Variants in RELN observed in about 807,000 individuals in gnomAD.
RELN encodes reelin.
Under a neutral mutation model 427.6 loss-of-function variants are expected in RELN, and 108 were observed. That is an observed-to-expected ratio of 0.25 (90% confidence interval 0.22 to 0.30). The LOEUF is 0.30. Among genes scored for constraint, RELN ranks in the 10% least tolerant of loss-of-function variants. The pLI, the probability that RELN is intolerant of heterozygous loss-of-function variation, is 1.00. For missense variants in RELN, 3,715 were observed against 4,302.8 expected (o/e 0.86, Z 3.82); for synonymous variants, 1,524 against 1,513.4 (o/e 1.01, Z -0.16).
chr7:103,618,359 C>G (rs537466378), intron 20 of RELN, among the ~76,000 whole-genome samples: 3 of 151,824 alleles, frequency 2.0e-5, no homozygotes, highest in East Asian at 3.9e-4. Context: ...CCACCTGTTA[C>G]TCGTCTCTAG....
At chr7:103,918,084 T>G (rs188954304) in intron 1 of RELN, among the ~76,000 whole-genome samples, 73 of 152,252 alleles carry the variant, frequency 4.8e-4, no homozygotes, top group African/African-American at 1.7e-3. Context: ...TCACATTAAC[T>G]TTAATGAGAA....
At chr7:103,647,657 C>T (rs1191657854) in intron 16 of RELN, among the ~76,000 whole-genome samples, 3 of 151,706 alleles carry the variant, frequency 2.0e-5, no homozygotes, top group Admixed American at 1.3e-4. Context: ...CAATGCAAAT[C>T]CTATCAGAAT....
At chr7:103,877,115 C>G (rs1794498276) in intron 2 of RELN, among the ~76,000 whole-genome samples, 1 of 152,126 alleles carries the variant, frequency 6.6e-6, no homozygotes. Flanking sequence ...CCTGTTCTGT[C>G]TCTCCCATAA....
At chr7:103,601,435 C>A (rs888666864) in intron 24 of RELN, among the ~76,000 whole-genome samples, 5 of 152,186 alleles carry the variant, frequency 3.3e-5, no homozygotes, top group Non-Finnish European at 7.3e-5. Flanking sequence ...ACAAAACCTG[C>A]AGCTATTTTT....
At chr7:103,885,709 C>T (rs1310022267) in intron 2 of RELN, among the ~76,000 whole-genome samples, 1 of 152,144 alleles carries the variant, frequency 6.6e-6, no homozygotes, top group Non-Finnish European at 1.5e-5. Context: ...GCACGTTCTG[C>T]ACATGTATCC....
At chr7:103,830,638 T>C (rs1302033364) in intron 3 of RELN, among the ~76,000 whole-genome samples, 2 of 152,018 alleles carry the variant, frequency 1.3e-5, no homozygotes, top group Non-Finnish European at 2.9e-5. Flanking sequence ...CTACTCAATA[T>C]GTAATAAATA....
chr7:103,611,824 A>G, intron 20 of RELN, 21 bp from the exon 21 acceptor site: 1 of 1,593,194 alleles, frequency 6.3e-7, no homozygotes. Context: ...CAGAGATGGA[A>G]ATCAGAAAAT....
At chr7:103,874,674 AG>A (rs1794434019) in intron 2 of RELN, among the ~76,000 whole-genome samples, 1 of 148,794 alleles carries the variant, frequency 6.7e-6, no homozygotes, top group Non-Finnish European at 1.5e-5. Flanking sequence ...CTCTTCAAGG[AG>A]AACTACAAAT....
At chr7:103,515,530 A>G (rs2528863) in intron 49 of RELN, 89 bp from the exon 50 acceptor site, 1 of 1,532,888 alleles carries the variant, frequency 6.5e-7, no homozygotes, top group African/African-American at 1.4e-5. Context: ...CCATAAGATA[A>G]TGTATGTCAC....
At chr7:103,552,753 G>A (rs931331739) in intron 40 of RELN, among the ~76,000 whole-genome samples, 2 of 151,812 alleles carry the variant, frequency 1.3e-5, no homozygotes, top group Non-Finnish European at 2.9e-5. Context: ...GCCTGCCTTG[G>A]CCTCCCAAAC....
chr7:103,604,831 C>CTTTTTTTT (rs34015200), intron 22 of RELN, among the ~76,000 whole-genome samples: 2 of 138,722 alleles, frequency 1.4e-5, no homozygotes. Flanking sequence ...ACCTATCTTT[C>CTTTTTTTT]TTTTTTTTTT....
intron 2 of RELN, among the ~76,000 whole-genome samples, chr7:103,897,060 C>G (rs143458118): frequency 3.3e-5 from 5 of 151,876 alleles, no homozygotes; most frequent in Non-Finnish European, 1.5e-5. Context: ...TTTATAAAAC[C>G]ATCAGATCTC....
chr7:103,492,158 G>T, intron 57 of RELN, 132 bp from the exon 58 acceptor site: 1 of 728,826 alleles, frequency 1.4e-6, no homozygotes, highest in Non-Finnish European at 2.4e-6. Flanking sequence ...GCAGCCTGCT[G>T]GGATACCAAG....
chr7:103,742,107 C>G (rs935856431), intron 6 of RELN, among the ~76,000 whole-genome samples: 3 of 152,154 alleles, frequency 2.0e-5, no homozygotes, highest in African/African-American at 7.2e-5. Flanking sequence ...TTGAGGTTCA[C>G]CAATATTTGC....
At chr7:103,944,104 C>A (rs912474020) in intron 1 of RELN, among the ~76,000 whole-genome samples, 1 of 152,038 alleles carries the variant, frequency 6.6e-6, no homozygotes. Flanking sequence ...TTGAGAAACC[C>A]TTACTTACTG....
intron 60 of RELN, among the ~76,000 whole-genome samples, chr7:103,489,324 G>A (rs1444597312): frequency 6.6e-6 from 1 of 152,034 alleles, no homozygotes; most frequent in Non-Finnish European, 1.5e-5. Flanking sequence ...GCTGAGGAAG[G>A]AGGGATACTG....
rs139971833 is a variant in RELN at position 103,754,520 on chromosome 7, C to G, written c.545-1306G>C. Among the ~76,000 whole-genome samples the G allele has an allele frequency of 4.0e-3, 607 of 152,164 alleles. 5 individuals are homozygous for G. Among genetic ancestry groups the G allele is most frequent in the Non-Finnish European group, 6.9e-3 (470 of 68,002 alleles). On this transcript the variant is annotated intron_variant, in intron 4 of 64. Coordinates refer to ENST00000428762, the MANE Select transcript of RELN (RefSeq NM_005045.4). ...GAGAGAAGTAGCTCATGCCTGTAATCCCAGCACTTTGGGAGACTGAGGCAA... is the reference window on the plus strand; with the variant it reads ...GAGAGAAGTAGCTCATGCCTGTAATGCCAGCACTTTGGGAGACTGAGGCAA...
intron 1 of RELN, among the ~76,000 whole-genome samples, chr7:103,948,024 G>A (rs1280235314): frequency 6.6e-6 from 1 of 152,210 alleles, no homozygotes; most frequent in South Asian, 2.1e-4. Context: ...ATTTTCATCA[G>A]ATGAATAACA....
chr7:103,492,120 A>G, intron 57 of RELN, 94 bp from the exon 58 acceptor site: 1 of 972,340 alleles, frequency 1.0e-6, no homozygotes. Flanking sequence ...TTACTCTGAT[A>G]GGTAATATTC....
Sources: allele counts gnomAD v4.1 joint callset (sites outside exome capture counted in the v4.1 genomes callset), GRCh38; gene constraint gnomAD v4.1.1; transcripts MANE v1.5; gene names NCBI Gene and HGNC (gene_info 2026-07-23, HGNC 2026-07-21).